Variants in MYZAP observed in about 807,000 individuals in gnomAD.
The protein encoded by MYZAP is myocardial zonula adherens protein.
In MYZAP, 66 loss-of-function variants were observed where a neutral mutation model predicts 69.4. The ratio of observed to expected loss-of-function variants is 0.95; its 90% CI spans 0.78 to 1.17. The LOEUF is 1.17. MYZAP is among the 50% of genes most tolerant of loss of function. The probability of loss-of-function intolerance (pLI) is 0.00; values close to 1 mark genes in which losing one functional copy is unlikely to be tolerated. For synonymous variants in MYZAP, 256 were observed against 205.9 expected, an observed-to-expected ratio of 1.24 and a Z score of -2.09; for missense variants, 611 against 556.2, an observed-to-expected ratio of 1.10 and a Z score of -0.99.
chr15:57,674,573 A>G (rs559225408), intron 11 of MYZAP, among the ~76,000 whole-genome samples: 1 of 152,394 alleles, frequency 6.6e-6, no homozygotes, highest in African/African-American at 2.4e-5. Context: ...ATGCCCATCA[A>G]TAAGAGACTA....
intron 2 of MYZAP, among the ~76,000 whole-genome samples, chr15:57,608,309 G>C (rs1395208663): frequency 6.6e-6 from 1 of 152,198 alleles, no homozygotes; most frequent in Non-Finnish European, 1.5e-5. Context: ...TCCGTTTGCT[G>C]TTCTCCAGTT....
At chr15:57,621,490 G>C in intron 3 of MYZAP, 118 bp from the exon 4 acceptor site, 1 of 1,146,630 alleles carries the variant, frequency 8.7e-7, no homozygotes, top group Non-Finnish European at 1.2e-6. Flanking sequence ...GGGATTACAG[G>C]CTTGAGCCAC....
At chr15:57,641,109 C>T (rs2037128828) in intron 10 of MYZAP, among the ~76,000 whole-genome samples, 3 of 152,314 alleles carry the variant, frequency 2.0e-5, no homozygotes, top group South Asian at 4.1e-4. Context: ...CACTACATTT[C>T]TCCCACCTCA....
At position 57,593,216 on chromosome 15, in the gene MYZAP, C is replaced by A. The variant is rs1347729875; in HGVS notation, c.75+1107C>A. On this transcript the variant is annotated intron_variant, in intron 1 of 12. Coordinates refer to ENST00000267853, the MANE Select transcript of MYZAP (RefSeq NM_001018100.5). ...CACACACACACACACACACACACAC[C>A]CCAGAATCCATCAGTTGGCTCATGC... Among the ~76,000 whole-genome samples the A allele has an allele frequency of 1.3e-4, 8 of 60,122 alleles. No individual in the cohort carries two copies. In the South Asian group the frequency reaches 3.9e-3, roughly 29 times the overall value. The allele number at this position is 60,122 out of a possible 152,430, so 39.4% of individuals were successfully genotyped here. A position where few individuals can be genotyped will look rare whatever the true frequency, so the allele number is the denominator to read the frequency against.
intron 4 of MYZAP, among the ~76,000 whole-genome samples, chr15:57,624,321 G>A (rs569021882): frequency 6.6e-6 from 1 of 152,330 alleles, no homozygotes; most frequent in East Asian, 1.9e-4. Flanking sequence ...GCTGGGCTGT[G>A]AGATTAAGTG....
chr15:57,657,048 C>A lies in MYZAP; in HGVS notation c.1120-4402C>A, dbSNP rs552775517. 7.9e-5 allele frequency among the ~76,000 whole-genome samples: 12 copies of A among 152,254 alleles called. No homozygotes were observed. The South Asian group carries it at 2.5e-3, about 32-fold the overall frequency. On this transcript the variant is annotated intron_variant, in intron 10 of 12. Transcript: ENST00000267853. ...CTCTAGGTGATGTATTAACCATTCA[C>A]TGATTTATTTTTTAAACTACCATCT... is the stretch of plus-strand genomic sequence containing the variant.
chr15:57,604,365 C>T lies in MYZAP; in HGVS notation c.162+10C>T, dbSNP rs756910527. On this transcript the variant is annotated intron_variant, in intron 2 of 12. Transcript: ENST00000267853. ...TGAGAGAAAAGAGCAGGTAAGGTAT[C>T]TCCGAGGCAAAGCCCCAACAAGTTC... 4 of 1,613,972 alleles carry T rather than the reference C, an allele frequency of 2.5e-6. No individual in the cohort carries two copies. In the East Asian group the frequency reaches 6.7e-5, roughly 27 times the overall value.
intron 8 of MYZAP, among the ~76,000 whole-genome samples, chr15:57,637,149 T>TTAACTTAATCACATCTTTTAAGATCC (rs2036864294): frequency 6.6e-6 from 1 of 152,060 alleles, no homozygotes; most frequent in Non-Finnish European, 1.5e-5. Flanking sequence ...TTTTAAGATC[T>TTAACTTAATCACATCTTTTAAGATCC]TTAACTTAAT....
chr15:57,637,838 C>G (rs1018138722), intron 9 of MYZAP, 64 bp downstream of exon 9: 48 of 1,461,148 alleles, frequency 3.3e-5, no homozygotes, highest in Non-Finnish European at 4.5e-5. Context: ...GTTTTTATGA[C>G]CTCATTTGAC....
intron 10 of MYZAP, chr15:57,647,151 A>G: frequency 3.0e-6 from 3 of 985,424 alleles, no homozygotes; most frequent in Non-Finnish European, 3.6e-6. Flanking sequence ...TTTCTTGCTA[A>G]TATTTGCCTT....
At chr15:57,598,979 A>G (rs567062965) in intron 1 of MYZAP, among the ~76,000 whole-genome samples, 1 of 152,314 alleles carries the variant, frequency 6.6e-6, no homozygotes, top group African/African-American at 2.4e-5. Context: ...ACCTCCCATT[A>G]AGATTAGTGT....
chr15:57,592,177 CTA>C, intron 1 of MYZAP, 68 bp downstream of exon 1: 2 of 1,234,328 alleles, frequency 1.6e-6, no homozygotes, highest in Non-Finnish European at 2.0e-6. Context: ...CTAGAGGGGA[CTA>C]GGGATGGGAA....
intron 7 of MYZAP, 33 bp from the exon 8 acceptor site, chr15:57,633,580 G>T: frequency 6.3e-7 from 1 of 1,599,688 alleles, no homozygotes; most frequent in Non-Finnish European, 8.5e-7. Flanking sequence ...GGTACTCCAT[G>T]CCTGTACTTA....
chr15:57,605,369 A>T (rs1172470140), intron 2 of MYZAP, among the ~76,000 whole-genome samples: 1 of 152,232 alleles, frequency 6.6e-6, no homozygotes, highest in Non-Finnish European at 1.5e-5. Flanking sequence ...TTATATGATT[A>T]TAAAGTAAAA....
At chr15:57,629,639 T>G in intron 5 of MYZAP, 63 bp from the exon 6 acceptor site, 1 of 1,563,560 alleles carries the variant, frequency 6.4e-7, no homozygotes, top group Non-Finnish European at 8.6e-7. Context: ...CCCCAGCATG[T>G]GGTGCAGCCC....
intron 12 of MYZAP, among the ~76,000 whole-genome samples, chr15:57,675,475 C>T (rs191479761): frequency 3.9e-5 from 6 of 152,218 alleles, no homozygotes; most frequent in East Asian, 3.9e-4. Context: ...ACATATATAA[C>T]GGTGTGAGAG....
intron 11 of MYZAP, among the ~76,000 whole-genome samples, chr15:57,672,638 T>C (rs544864152): frequency 4.6e-5 from 7 of 152,358 alleles, no homozygotes; most frequent in Admixed American, 2.0e-4. Context: ...TTAAAATAAA[T>C]TCTGGTGCTG....
At chr15:57,636,336 T>A (rs1595894361) in intron 8 of MYZAP, among the ~76,000 whole-genome samples, 2 of 152,228 alleles carry the variant, frequency 1.3e-5, no homozygotes, top group East Asian at 3.8e-4. Context: ...ACCTTTGTTA[T>A]TTTAAATATT....
At chr15:57,649,282 A>AAT (rs2037609744) in intron 10 of MYZAP, among the ~76,000 whole-genome samples, 1 of 152,216 alleles carries the variant, frequency 6.6e-6, no homozygotes, top group African/African-American at 2.4e-5. Context: ...GATATTGCCC[A>AAT]ATCGCTGCCC....
Sources: allele counts gnomAD v4.1 joint callset (sites outside exome capture counted in the v4.1 genomes callset), GRCh38; gene constraint gnomAD v4.1.1; transcripts MANE v1.5; gene names NCBI Gene and HGNC (gene_info 2026-07-23, HGNC 2026-07-21).